Variants in NTF4 observed in about 807,000 individuals in gnomAD.
NTF4 encodes the protein neurotrophin-4.
Under a neutral mutation model 4.4 loss-of-function variants are expected in NTF4, and 2 were observed. The observed-to-expected ratio is 0.46, with a 90% CI of 0.19 to 1.44. NTF4 has a LOEUF of 1.44. Among genes scored for constraint, NTF4 ranks in the 40% most tolerant of loss-of-function variants. The probability of loss-of-function intolerance (pLI) is 0.26; values close to 1 mark genes in which losing one functional copy is unlikely to be tolerated. For synonymous variants in NTF4, 127 were observed against 122.0 expected (o/e 1.04, Z -0.27); for missense variants, 260 against 293.0 (o/e 0.89, Z 0.82).
downstream of NTF4, among the ~76,000 whole-genome samples, chr19:49,059,983 G>A (rs2040113048): frequency 8.1e-6 from 1 of 122,938 alleles, no homozygotes; most frequent in Non-Finnish European, 1.6e-5. Context: ...GCTGCAGTGA[G>A]CTCAGATCAC....
chr19:49,061,659 C>T lies in NTF4; in HGVS notation c.339G>A (p.Leu113=). 1 of 1,613,638 alleles carries T rather than the reference C, an allele frequency of 6.2e-7. No individual in the cohort carries two copies. The change falls in exon 1 of 1, where the codon TTG becomes TTA. Residue 113 remains leucine (L), a synonymous_variant. Transcript: ENST00000593537. The surrounding 1 kb of genome is among the most constrained non-coding windows in gnomAD (Gnocchi z 4.9). ...CCAACACCTCCACCTCGCGCCCACG[C>T]AAGTCCACAGCGGTCCGGCGGTCTG...
downstream of NTF4, among the ~76,000 whole-genome samples, chr19:49,059,820 T>G (rs1456958860): frequency 6.6e-6 from 1 of 151,908 alleles, no homozygotes; most frequent in Non-Finnish European, 1.5e-5. Flanking sequence ...GGCCGAGGCA[T>G]GCGGATCACT....
In NTF4 at chr19:49,061,146, T is replaced by C; in HGVS notation, c.*219A>G. Reference sequence around the variant, plus strand: ...CAGTAAATAGTGGCTATTATTATTATATCATCATCATTATTACCCTCAAGT... The same window carrying C: ...CAGTAAATAGTGGCTATTATTATTACATCATCATCATTATTACCCTCAAGT... On this transcript the variant is annotated 3_prime_UTR_variant, in exon 1 of 1. Transcript: ENST00000593537. This position sits in a 1 kb window ranked among gnomAD's most constrained non-coding sequence, Gnocchi z 4.9. 4.1e-6 allele frequency: 3 copies of C among 726,124 alleles called. No homozygotes were observed. The highest frequency in any genetic ancestry group is 6.6e-6 in the Non-Finnish European group (3 of 451,970). The allele number at this position is 726,124 out of a possible 1,614,324, so 45.0% of individuals were successfully genotyped here.
chr19:49,058,307 C>T (rs937374855), downstream of NTF4: 27 of 1,503,762 alleles, frequency 1.8e-5, no homozygotes, highest in Middle Eastern at 2.3e-4. Context: ...ATGCGAGAAT[C>T]CTGCTTTGCA....
upstream of NTF4, among the ~76,000 whole-genome samples, chr19:49,063,468 C>T (rs1348696889): frequency 3.9e-5 from 6 of 152,046 alleles, no homozygotes; most frequent in African/African-American, 1.2e-4. Flanking sequence ...CAGACTCAAG[C>T]CACCACGCCT....
At chr19:49,058,329 A>C, downstream of NTF4, 2 of 1,478,900 alleles carry the variant, frequency 1.4e-6, no homozygotes. Context: ...TCGGAGGTAG[A>C]GGGTCCGCGA....
chr19:49,060,036 CAAAAAAAAAAAAAAAAAAAAA>C (rs55870191), downstream of NTF4, among the ~76,000 whole-genome samples: 3 of 28,420 alleles, frequency 1.1e-4, no homozygotes, highest in Non-Finnish European at 1.7e-4. Context: ...GACTCCATCT[CAAAAAAAAAAAAAAAAAAAAA>C]AAAAAAAAAA....
rs1335222546 is a variant in NTF4, at chr19:49,061,536, A to T, written c.462T>A (p.Gly154=). ...TGTCCACTCCCCGGCAGCCCCCTCC[A>T]CCTGCCCCCGGGCCACCTTCCTCAG... Residue 154 remains glycine, a synonymous_variant, in exon 1 of 1, where the codon GGT becomes GGA. Coordinates refer to ENST00000593537, the Ensembl canonical transcript of NTF4. The surrounding 1 kb of genome is among the most constrained non-coding windows in gnomAD (Gnocchi z 4.9). 1 of 1,613,930 alleles carries T rather than the reference A, an allele frequency of 6.2e-7. No homozygotes were observed. Among genetic ancestry groups the T allele is most frequent in the Non-Finnish European group, 8.5e-7 (1 of 1,179,986 alleles).
At position 49,061,801 on chromosome 19, in the gene NTF4, G is replaced by T; in HGVS notation, c.197C>A (p.Ala66Asp). 1.3e-6 allele frequency: 2 copies of T among 1,555,238 alleles called. No homozygotes were observed. The highest frequency in any genetic ancestry group is 8.7e-7 in the Non-Finnish European group (1 of 1,150,064). ...CGGGGCACCTGCTGACTCCCGAAAG[G>T]CCCCAGCCTCCAGCAGGAAGAGCAG... The change falls in exon 1 of 1, where the codon GCC becomes GAC. Residue 66 changes from alanine (A) to aspartate (D), a missense_variant. By Grantham distance (126) the Ala-to-Asp change is moderately radical. Coordinates refer to ENST00000593537, the Ensembl canonical transcript of NTF4. This position sits in a 1 kb window ranked among gnomAD's most constrained non-coding sequence, Gnocchi z 4.9.
At position 49,061,843 on chromosome 19, in the gene NTF4, G is replaced by T. The variant is rs1380015891; in HGVS notation, c.155C>A (p.Ala52Asp). The change falls in exon 1 of 1, where the codon GCC (alanine) becomes GAC (aspartate). Residue 52 changes from alanine (A) to aspartate (D), a missense_variant. By Grantham distance (126) the Ala-to-Asp change is moderately radical. Coordinates refer to ENST00000593537, the Ensembl canonical transcript of NTF4. The surrounding 1 kb of genome is among the most constrained non-coding windows in gnomAD (Gnocchi z 4.9). ...GAAGAGCAGAGGGGGCCCAGCAGGG[G>T]CACCCCTAGACAGGACTACTCGGGG... 6.4e-7 allele frequency: 1 copy of T among 1,550,476 alleles called. No homozygotes were observed.
chr19:49,062,077 G>A, upstream of NTF4: 1 of 1,418,562 alleles, frequency 7.0e-7, no homozygotes, highest in East Asian at 2.5e-5. Context: ...AAAGAAGTTG[G>A]GAACCCCAGG....
chr19:49,061,436 C>A lies in NTF4; in HGVS notation c.562G>T (p.Val188Leu). Reference sequence around the variant, plus strand: ...TCAATTCGAATCCATCGCCAGCCCACACGGCCCTGGGCATCAGCGGTCAAT... The same window carrying A: ...TCAATTCGAATCCATCGCCAGCCCAAACGGCCCTGGGCATCAGCGGTCAAT... The change falls in exon 1 of 1, where the codon GTG (valine) becomes TTG (leucine). Residue 188 changes from valine to leucine, a missense_variant. By Grantham distance (32) the Val-to-Leu change is conservative. Transcript: ENST00000593537. This position sits in a 1 kb window ranked among gnomAD's most constrained non-coding sequence, Gnocchi z 4.9. 6.2e-7 allele frequency: 1 copy of A among 1,614,024 alleles called. No homozygotes were observed. Among genetic ancestry groups the A allele is most frequent in the Non-Finnish European group, 8.5e-7 (1 of 1,179,998 alleles).
In NTF4 at chr19:49,061,130, G is replaced by C; in HGVS notation, c.*235C>G. ...AGAAACAGTAAACACTCAGTAAATA[G>C]TGGCTATTATTATTATATCATCATC... On this transcript the variant is annotated 3_prime_UTR_variant, in exon 1 of 1. Transcript: ENST00000593537. This position sits in a 1 kb window ranked among gnomAD's most constrained non-coding sequence, Gnocchi z 4.9. 1.5e-6 allele frequency: 1 copy of C among 667,138 alleles called. No homozygotes were observed. Among genetic ancestry groups the C allele is most frequent in the Non-Finnish European group, 2.5e-6 (1 of 401,010 alleles). 41.3% of individuals were successfully genotyped at this position (667,138 alleles called of 1,614,324 possible).
chr19:49,061,518 TC>T lies in NTF4; in HGVS notation c.479del (p.Gly160GlufsTer21). 6.2e-7 allele frequency: 1 copy of T among 1,614,110 alleles called. No homozygotes were observed. Among genetic ancestry groups the T allele is most frequent in the South Asian group, 1.1e-5 (1 of 91,084 alleles). On this transcript the variant is annotated frameshift_variant, in exon 1 of 1. Coordinates refer to ENST00000593537, the Ensembl canonical transcript of NTF4. LOFTEE classifies it high-confidence loss of function. This position sits in a 1 kb window ranked among gnomAD's most constrained non-coding sequence, Gnocchi z 4.9. ...CAGATACCCAGTGCCTCCTGTCCAC[TC>T]CCCGGCAGCCCCCTCCACCTGCCCC...
At chr19:49,062,992 C>T (rs1171931267), upstream of NTF4, among the ~76,000 whole-genome samples, 1 of 150,406 alleles carries the variant, frequency 6.6e-6, no homozygotes, top group Non-Finnish European at 1.5e-5. Flanking sequence ...AGTCTTGCAT[C>T]TTGGAGGATG....
At position 49,061,225 on chromosome 19, in the gene NTF4, C is replaced by A; in HGVS notation, c.*140G>T. On this transcript the variant is annotated 3_prime_UTR_variant, in exon 1 of 1. Transcript: ENST00000593537. The surrounding 1 kb of genome is among the most constrained non-coding windows in gnomAD (Gnocchi z 4.9). ...CAAAACCCCATGTGGTTTCACCCATCCTGCAGAGATTGAGCTCAAAATCAG... is the reference window on the plus strand; with the variant it reads ...CAAAACCCCATGTGGTTTCACCCATACTGCAGAGATTGAGCTCAAAATCAG... 1 of 1,505,854 alleles carries A rather than the reference C, an allele frequency of 6.6e-7. No homozygotes were observed. The highest frequency in any genetic ancestry group is 8.9e-7 in the Non-Finnish European group (1 of 1,125,814). 93.3% of individuals were successfully genotyped at this position (1,505,854 alleles called of 1,614,324 possible). A position where few individuals can be genotyped will look rare whatever the true frequency, so the allele number is the denominator to read the frequency against.
upstream of NTF4, among the ~76,000 whole-genome samples, chr19:49,063,525 G>C (rs989673534): frequency 6.6e-6 from 1 of 151,994 alleles, no homozygotes; most frequent in Non-Finnish European, 1.5e-5. Flanking sequence ...GGAATCCTAG[G>C]GAGACCCCAG....
chr19:49,061,946 G>C lies in NTF4; in HGVS notation c.52C>G (p.Pro18Ala), dbSNP rs750067484. The change falls in exon 1 of 1, where the codon CCC (proline) becomes GCC (alanine). Residue 18 changes from proline to alanine, a missense_variant. Pro to Ala is a conservative substitution (Grantham distance 27). Coordinates refer to ENST00000593537, the Ensembl canonical transcript of NTF4. This position sits in a 1 kb window ranked among gnomAD's most constrained non-coding sequence, Gnocchi z 4.9. ...GGTTGGGACTCAATTGGCACACTGG[G>C]GAGGAGGAAAAGGAGGAGGATGGGG... 4 of 1,511,660 alleles carry C rather than the reference G, an allele frequency of 2.6e-6. No individual in the cohort carries two copies. Among genetic ancestry groups the C allele is most frequent in the Middle Eastern group, 1.7e-4 (1 of 5,760 alleles). The allele number at this position is 1,511,660 out of a possible 1,614,324, so 93.6% of individuals were successfully genotyped here.
chr19:49,060,823 A>G (rs895576560), downstream of NTF4: 5 of 172,868 alleles, frequency 2.9e-5, no homozygotes, highest in African/African-American at 1.2e-4. Flanking sequence ...AAAACAGAAT[A>G]TTCTAAGTCA....
Sources: gnomAD v4.1 joint callset for allele counts (sites outside exome capture counted in the v4.1 genomes callset) on GRCh38, gnomAD v4.1.1 for gene constraint, Gnocchi (gnomAD v3.1) non-coding constraint, MANE v1.5 for transcripts, NCBI Gene and HGNC (gene_info 2026-07-23, HGNC 2026-07-21) for gene names.